The following ST8SIA2 variants were observed in gnomAD, a reference collection of about 807,000 sequenced individuals.
The protein encoded by ST8SIA2 is alpha-2,8-sialyltransferase 8B.
Under a neutral mutation model 37.6 loss-of-function variants are expected in ST8SIA2, and 22 were observed. The ratio of observed to expected loss-of-function variants is 0.58; its 90% confidence interval spans 0.42 to 0.83. ST8SIA2 has a LOEUF of 0.83. ST8SIA2 is among the 40% of genes least tolerant of loss of function. The pLI is 0.00. For synonymous variants in ST8SIA2, 205 were observed against 201.2 expected (o/e 1.02, Z -0.16); for missense variants, 382 against 484.7 (o/e 0.79, Z 1.99).
In ST8SIA2 at chr15:92,420,927, C is replaced by T. The variant is rs375914704; in HGVS notation, c.99-9122C>T. On this transcript the variant is annotated intron_variant, in intron 1 of 5. Coordinates refer to ENST00000268164, the MANE Select transcript of ST8SIA2 (RefSeq NM_006011.4). ...AAGTATCTCAAAGGCTGTTGAGCAC[C>T]TCAATAAAGCTATTCCGCCCGTCTT... 10 of 152,306 alleles carry T rather than the reference C, an allele frequency of 6.6e-5. No individual in the cohort carries two copies. In the East Asian group the frequency reaches 1.7e-3, roughly 26 times the overall value. 9.4% of individuals were successfully genotyped at this position (152,306 alleles called of 1,614,324 possible).
intron 2 of ST8SIA2, among the ~76,000 whole-genome samples, chr15:92,430,581 C>G (rs985151072): frequency 6.6e-6 from 1 of 152,202 alleles, no homozygotes; most frequent in Non-Finnish European, 1.5e-5. Flanking sequence ...GATTATTGAA[C>G]GTACGCTCCA....
chr15:92,416,572 GA>G (rs142057873), intron 1 of ST8SIA2, among the ~76,000 whole-genome samples: 3,072 of 152,272 alleles, frequency 0.02, 116 homozygotes, highest in African/African-American at 0.069. Context: ...AAGGAGGCGG[GA>G]AGTCTATGGC....
chr15:92,438,728 C>A, intron 4 of ST8SIA2, 118 bp downstream of exon 4: 2 of 1,367,638 alleles, frequency 1.5e-6, no homozygotes, highest in African/African-American at 1.5e-5. Context: ...TTAGCCCCTG[C>A]TCTCAACCAT....
chr15:92,400,433 A>G (rs1475700164), intron 1 of ST8SIA2, among the ~76,000 whole-genome samples: 1 of 152,222 alleles, frequency 6.6e-6, no homozygotes, highest in Non-Finnish European at 1.5e-5. Flanking sequence ...CCAAAAGTAC[A>G]TACTATTCTA....
rs2049975413 is a variant in ST8SIA2, at chr15:92,464,089, T to C, written c.843-11T>C. ...TTTCTTTTCTTTTTTTTTTTTTTTT[T>C]TTTTTTCCAGATACTGGCTGACCAA... On this transcript the variant is annotated splice_polypyrimidine_tract_variant and intron_variant, in intron 5 of 5. Transcript: ENST00000268164. 1 of 1,514,278 alleles carries C rather than the reference T, an allele frequency of 6.6e-7. No homozygotes were observed. Among genetic ancestry groups the C allele is most frequent in the Non-Finnish European group, 8.8e-7 (1 of 1,140,210 alleles). The allele number at this position is 1,514,278 out of a possible 1,614,324, so 93.8% of individuals were successfully genotyped here.
chr15:92,454,852 G>A (rs1199406711), intron 5 of ST8SIA2, among the ~76,000 whole-genome samples: 1 of 152,008 alleles, frequency 6.6e-6, no homozygotes, highest in Non-Finnish European at 1.5e-5. Context: ...CAGGCAGCTG[G>A]TGGTGAATGG....
At chr15:92,408,951 G>A (rs563954127) in intron 1 of ST8SIA2, among the ~76,000 whole-genome samples, 10 of 152,048 alleles carry the variant, frequency 6.6e-5, no homozygotes, top group East Asian at 5.8e-4. Flanking sequence ...TGATCCGCCC[G>A]CCTTGGCCTC....
intron 4 of ST8SIA2, among the ~76,000 whole-genome samples, chr15:92,439,393 C>T (rs149843414): frequency 1.9e-3 from 283 of 152,314 alleles, no homozygotes; most frequent in African/African-American, 6.5e-3. Flanking sequence ...TTGCCCATGG[C>T]CCTGCCACCT....
chr15:92,402,723 G>A (rs1176545433), intron 1 of ST8SIA2, among the ~76,000 whole-genome samples: 2 of 152,136 alleles, frequency 1.3e-5, no homozygotes, highest in Admixed American at 1.3e-4. Context: ...AATGCGGAAT[G>A]ACGGCCAGGG....
chr15:92,445,866 A>G (rs1332856215), intron 5 of ST8SIA2, among the ~76,000 whole-genome samples: 1 of 152,186 alleles, frequency 6.6e-6, no homozygotes, highest in Non-Finnish European at 1.5e-5. Flanking sequence ...AGTAGTTCCC[A>G]ATCTCCTCCT....
intron 1 of ST8SIA2, among the ~76,000 whole-genome samples, chr15:92,396,594 A>C (rs2049433061): frequency 1.3e-5 from 2 of 151,884 alleles, no homozygotes; most frequent in Non-Finnish European, 2.9e-5. Flanking sequence ...CCCGGGTTCA[A>C]GCAATTCTCC....
chr15:92,455,245 G>T (rs924962250), intron 5 of ST8SIA2, among the ~76,000 whole-genome samples: 23 of 152,152 alleles, frequency 1.5e-4, no homozygotes, highest in African/African-American at 5.3e-4. Flanking sequence ...TTGACAGAGG[G>T]TGAGGTGAAC....
intron 2 of ST8SIA2, 82 bp downstream of exon 2, chr15:92,430,193 C>T: frequency 1.5e-6 from 2 of 1,350,194 alleles, no homozygotes; most frequent in South Asian, 2.4e-5. Flanking sequence ...TGGATGGTGC[C>T]CTTCTTACTT....
At chr15:92,432,100 G>A (rs550601271) in intron 2 of ST8SIA2, among the ~76,000 whole-genome samples, 2 of 152,042 alleles carry the variant, frequency 1.3e-5, no homozygotes, top group South Asian at 2.1e-4. Flanking sequence ...GTGTGCCCCA[G>A]TCTCTGAGAA....
chr15:92,396,470 G>GTTTTTGT (rs2049431084), intron 1 of ST8SIA2, among the ~76,000 whole-genome samples: 2 of 143,620 alleles, frequency 1.4e-5, no homozygotes, highest in Admixed American at 6.9e-5. Context: ...GTTTGTTTTT[G>GTTTTTGT]TTTTTTTTTT....
chr15:92,446,242 C>T (rs2045269), intron 5 of ST8SIA2, among the ~76,000 whole-genome samples: 50,411 of 152,014 alleles, frequency 0.33, 9,476 homozygotes, highest in South Asian at 0.52. Context: ...AGGGTTTCTC[C>T]AAATGATCTC....
intron 1 of ST8SIA2, among the ~76,000 whole-genome samples, chr15:92,413,214 G>A (rs1231334691): frequency 6.6e-6 from 1 of 152,176 alleles, no homozygotes; most frequent in African/African-American, 2.4e-5. Flanking sequence ...CATGTTAATT[G>A]AAACAAAGAG....
intron 5 of ST8SIA2, among the ~76,000 whole-genome samples, chr15:92,462,947 C>T (rs1365463858): frequency 6.6e-6 from 1 of 152,212 alleles, no homozygotes; most frequent in Non-Finnish European, 1.5e-5. Flanking sequence ...GATGTTTTCC[C>T]ACTTTGGGAG....
At chr15:92,419,993 G>C in intron 1 of ST8SIA2, among the ~76,000 whole-genome samples, 1 of 152,196 alleles carries the variant, frequency 6.6e-6, no homozygotes, top group East Asian at 1.9e-4. Context: ...AGCCTCCGGA[G>C]TAGCTAGGAT....
Sources: allele counts gnomAD v4.1 joint callset (sites outside exome capture counted in the v4.1 genomes callset), GRCh38; gene constraint gnomAD v4.1.1; transcripts MANE v1.5; gene names NCBI Gene and HGNC (gene_info 2026-07-23, HGNC 2026-07-21).